The following RBFOX1 variants were observed in gnomAD, a reference collection of about 807,000 sequenced individuals.
The protein encoded by RBFOX1 is RNA binding protein fox-1 homolog 1.
In RBFOX1, 8 loss-of-function variants were observed where a neutral mutation model predicts 57.7. The ratio of observed to expected loss-of-function variants is 0.14; its 90% CI spans 0.08 to 0.25. RBFOX1 has a LOEUF of 0.25. Among genes scored for constraint, RBFOX1 ranks in the 10% least tolerant of loss-of-function variants. The pLI is 1.00. For synonymous variants in RBFOX1, 326 were observed against 222.4 expected (o/e 1.47, Z -4.15); for missense variants, 611 against 548.5 (o/e 1.11, Z -1.14).
intron 2 of RBFOX1, among the ~76,000 whole-genome samples, chr16:6,584,460 T>C (rs2097578866): frequency 6.6e-6 from 1 of 151,726 alleles, no homozygotes; most frequent in Admixed American, 6.6e-5. Context: ...CTCTGCCTCC[T>C]GGGTTCCAGC....
chr16:6,023,851 T>G (rs2095133208), intron 1 of RBFOX1, among the ~76,000 whole-genome samples: 1 of 152,208 alleles, frequency 6.6e-6, no homozygotes, highest in Non-Finnish European at 1.5e-5. Context: ...CTTCCCAATG[T>G]CTACCTCCAT....
intron 4 of RBFOX1, among the ~76,000 whole-genome samples, chr16:7,056,078 C>T (rs2052126441): frequency 6.6e-6 from 1 of 152,108 alleles, no homozygotes; most frequent in Non-Finnish European, 1.5e-5. Flanking sequence ...AGTCTTTGGT[C>T]ATATCCCCTC....
chr16:6,304,748 G>T (rs887455234), intron 1 of RBFOX1, among the ~76,000 whole-genome samples: 1 of 151,838 alleles, frequency 6.6e-6, no homozygotes, highest in Non-Finnish European at 1.5e-5. Flanking sequence ...AGCCAGGTGC[G>T]GTGGTGCACG....
chr16:6,674,035 A>G (rs924439445), intron 3 of RBFOX1, among the ~76,000 whole-genome samples: 3 of 152,146 alleles, frequency 2.0e-5, no homozygotes, highest in African/African-American at 7.2e-5. Flanking sequence ...AGAGAATCCT[A>G]TTTTAGGATT....
chr16:5,506,553 C>T lies in RBFOX1; in HGVS notation c.258+39299C>T, dbSNP rs575253090. On this transcript the variant is annotated intron_variant, in intron 2 of 2. Coordinates refer to the RBFOX1 transcript ENST00000585867. ...TCACCCTGCAGCTGCCCACACACTG[C>T]TCTGGAGGTGCAGCCAGCCTAGCTC... 8.8e-4 allele frequency among the ~76,000 whole-genome samples: 134 copies of T among 152,314 alleles called. 1 individual carries two copies. The Middle Eastern group carries it at 0.017, about 19-fold the overall frequency.
At chr16:6,006,604 A>T (rs1416248845) in intron 4 of RBFOX1, among the ~76,000 whole-genome samples, 1 of 152,170 alleles carries the variant, frequency 6.6e-6, no homozygotes, top group Non-Finnish European at 1.5e-5. Context: ...TATAATTATT[A>T]CACCTGTGTG....
chr16:7,549,870 G>A (rs914552624), intron 5 of RBFOX1, among the ~76,000 whole-genome samples: 7 of 152,088 alleles, frequency 4.6e-5, no homozygotes, highest in Non-Finnish European at 8.8e-5. Flanking sequence ...GCAGTACTTT[G>A]CCTCCTTCAG....
intron 1 of RBFOX1, among the ~76,000 whole-genome samples, chr16:6,196,798 C>CTT (rs36091163): frequency 2.7e-5 from 4 of 145,874 alleles, no homozygotes; most frequent in East Asian, 4.0e-4. Context: ...TCTGGTTCAT[C>CTT]TTTTTTTTTT....
chr16:6,441,836 C>T (rs1010784948), intron 2 of RBFOX1, among the ~76,000 whole-genome samples: 1 of 152,186 alleles, frequency 6.6e-6, no homozygotes, highest in African/African-American at 2.4e-5. Flanking sequence ...TCTGTCTCAT[C>T]CCAAGTCTGG....
rs779985702 is a variant in RBFOX1 at position 6,575,377 on chromosome 16, CTG to C, written c.-63-79223_-63-79222del. The stretch of plus-strand genomic sequence containing the variant: ...AACATTGTCTATAGATTGCTGGAAA[CTG>C]TGACTTTAAGCAAAATGACGTGTAA... On this transcript the variant is annotated intron_variant, in intron 2 of 15. Transcript: ENST00000550418. Among the ~76,000 whole-genome samples, 235 of 152,220 alleles carry C rather than the reference CTG, an allele frequency of 1.5e-3. 2 individuals are homozygous for C. The highest frequency in any genetic ancestry group is 4.4e-3 in the South Asian group (21 of 4,826).
intron 3 of RBFOX1, among the ~76,000 whole-genome samples, chr16:5,825,689 A>G (rs190998230): frequency 6.6e-6 from 1 of 152,280 alleles, no homozygotes. Context: ...ATCACCCCAA[A>G]GTAAAGCCTC....
intron 1 of RBFOX1, among the ~76,000 whole-genome samples, chr16:5,293,208 C>G (rs1355756291): frequency 1.3e-5 from 2 of 152,010 alleles, no homozygotes; most frequent in African/African-American, 4.8e-5. Flanking sequence ...GTAATCCCAG[C>G]TACTTGGGAG....
rs146285404 is a variant in RBFOX1 at position 7,029,666 on chromosome 16, T to C, written c.-15-22391T>C. On this transcript the variant is annotated intron_variant, in intron 3 of 15. Transcript: ENST00000550418. Reference sequence around the variant, plus strand: ...TTTGAAATGCGGAAATAGGATATTCTAATTTTCAAAACAGATGAAAGAAGC... The same window carrying C: ...TTTGAAATGCGGAAATAGGATATTCCAATTTTCAAAACAGATGAAAGAAGC... Among the ~76,000 whole-genome samples, 76 of 152,284 alleles carry C rather than the reference T, an allele frequency of 5.0e-4. 2 individuals are homozygous for C. In the East Asian group the frequency reaches 0.012, roughly 23 times the overall value.
In RBFOX1 at chr16:6,281,956, A is replaced by G. The variant is rs545323144; in HGVS notation, c.-126-35039A>G. Among the ~76,000 whole-genome samples, 9 of 152,302 alleles carry G rather than the reference A, an allele frequency of 5.9e-5. 1 individual carries two copies. In the South Asian group the frequency reaches 1.9e-3, roughly 32 times the overall value. On this transcript the variant is annotated intron_variant, in intron 1 of 15. Coordinates refer to ENST00000550418, the MANE Select transcript of RBFOX1 (RefSeq NM_018723.4). ...GTGGAAGAAAATTAGGCCGTACTGCACACCAGAGAGACAGAAACGGGTGAG... is the reference window on the plus strand; with the variant it reads ...GTGGAAGAAAATTAGGCCGTACTGCGCACCAGAGAGACAGAAACGGGTGAG...
In RBFOX1 at chr16:5,509,045, T is replaced by G. The variant is rs191020948; in HGVS notation, c.258+41791T>G. On this transcript the variant is annotated intron_variant, in intron 2 of 2. Transcript: ENST00000585867. Reference sequence around the variant, plus strand: ...CACTTACACCCTTACTCAGTCATGTTGGACACTAGCTGTGTCTCAGGTGCT... The same window carrying G: ...CACTTACACCCTTACTCAGTCATGTGGGACACTAGCTGTGTCTCAGGTGCT... 4.7e-3 allele frequency among the ~76,000 whole-genome samples: 720 copies of G among 152,358 alleles called. 23 individuals are homozygous for G. Among genetic ancestry groups the G allele is most frequent in the Admixed American group, 0.044 (670 of 15,310 alleles).
chr16:6,263,015 G>T (rs1311231436), intron 1 of RBFOX1, among the ~76,000 whole-genome samples: 1 of 152,200 alleles, frequency 6.6e-6, no homozygotes, highest in Non-Finnish European at 1.5e-5. Flanking sequence ...TAGCCTGAAG[G>T]ATGAGATTAA....
At chr16:6,910,807 C>G (rs755385122) in intron 3 of RBFOX1, among the ~76,000 whole-genome samples, 6 of 152,158 alleles carry the variant, frequency 3.9e-5, no homozygotes, top group Non-Finnish European at 8.8e-5. Flanking sequence ...AGGTTGTTTC[C>G]TTTTCAGTTG....
chr16:6,849,094 C>G (rs139342175), intron 3 of RBFOX1, among the ~76,000 whole-genome samples: 1 of 152,164 alleles, frequency 6.6e-6, no homozygotes, highest in East Asian at 1.9e-4. Context: ...GTGCATGAGA[C>G]GCTCCACATT....
chr16:6,648,540 G>A (rs2098552018), intron 2 of RBFOX1, among the ~76,000 whole-genome samples: 1 of 152,124 alleles, frequency 6.6e-6, no homozygotes, highest in Non-Finnish European at 1.5e-5. Context: ...TGCCAGAACT[G>A]GAATTACCCG....
Sources: gnomAD v4.1 joint callset for allele counts (sites outside exome capture counted in the v4.1 genomes callset) on GRCh38, gnomAD v4.1.1 for gene constraint, MANE v1.5 for transcripts, NCBI Gene and HGNC (gene_info 2026-07-23, HGNC 2026-07-21) for gene names.